The following SPRY3 variants were observed in gnomAD, a reference collection of about 807,000 sequenced individuals.
SPRY3 encodes the protein sprouty RTK signaling antagonist 3, also known as protein sprouty homolog 3.
Under a neutral mutation model 20.2 loss-of-function variants are expected in SPRY3, and 15 were observed. The ratio of observed to expected loss-of-function variants is 0.74; its 90% confidence interval spans 0.50 to 1.14. The LOEUF is 1.14. SPRY3 is among the 50% of genes most tolerant of loss of function. SPRY3 has a pLI of 0.00. For synonymous variants in SPRY3, 143 were observed against 136.5 expected (o/e 1.05, Z -0.33); for missense variants, 364 against 363.9 (o/e 1.00, Z 0.00).
chrX:155,631,039 A>G (rs2067904785), intron 1 of SPRY3, among the ~76,000 whole-genome samples: 1 of 110,248 alleles, frequency 9.1e-6, no homozygotes, highest in African/African-American at 3.3e-5. Flanking sequence ...TACAGATCCT[A>G]TCACTCAGGT....
chrX:155,726,729 G>C lies in SPRY3; in HGVS notation c.-281-41233G>C, dbSNP rs2091100284. Among the ~76,000 whole-genome samples the C allele has an allele frequency of 2.6e-5, 4 of 152,230 alleles. No individual in the cohort carries two copies. In the South Asian group the frequency reaches 8.3e-4, roughly 32 times the overall value. ...CTATGTGTGTCTCTGCACATGATAT[G>C]GGTCTCGTGAATACAGCACACTGAT... On this transcript the variant is annotated intron_variant, in intron 2 of 3. Transcript: ENST00000675360.
chrX:155,672,880 C>A (rs1362527003), intron 2 of SPRY3, among the ~76,000 whole-genome samples: 1 of 105,438 alleles, frequency 9.5e-6, no homozygotes, highest in Non-Finnish European at 1.9e-5. Flanking sequence ...GAATACTATG[C>A]AGCCATAAAA....
chrX:155,660,200 C>G (rs782071663), intron 2 of SPRY3, among the ~76,000 whole-genome samples: 1 of 111,056 alleles, frequency 9.0e-6, no homozygotes, highest in Non-Finnish European at 1.9e-5. Context: ...TTGCTGTATC[C>G]CAGGATCTTT....
chrX:155,739,374 T>C (rs749786148), intron 2 of SPRY3, among the ~76,000 whole-genome samples: 1 of 152,248 alleles, frequency 6.6e-6, no homozygotes, highest in Non-Finnish European at 1.5e-5. Context: ...CTGACAGCAT[T>C]TTCACCTGCT....
At chrX:155,697,798 G>T (rs920953284) in intron 2 of SPRY3, among the ~76,000 whole-genome samples, 14 of 110,006 alleles carry the variant, frequency 1.3e-4, no homozygotes, top group Non-Finnish European at 3.8e-5. Context: ...AGGTAAGACT[G>T]AACTTAGGTA....
At chrX:155,671,823 A>G (rs1043570909) in intron 2 of SPRY3, among the ~76,000 whole-genome samples, 14 of 111,355 alleles carry the variant, frequency 1.3e-4, no homozygotes, top group Non-Finnish European at 2.3e-4. Flanking sequence ...TAATTTTTGT[A>G]TAAGGTATAA....
At chrX:155,767,720 A>AAGAGGCGGAGGAGGAGGAGAG (rs2091345561) in intron 2 of SPRY3, 30 of 64,458 alleles carry the variant, frequency 4.7e-4, no homozygotes, top group South Asian at 6.7e-4. Flanking sequence ...GAGGAGGAGA[A>AAGAGGCGGAGGAGGAGGAGAG]AGAGGAGGAG....
At chrX:155,669,812 G>A (rs1557354599) in intron 2 of SPRY3, 1 of 110,846 alleles carries the variant, frequency 9.0e-6, no homozygotes, top group African/African-American at 3.3e-5. Flanking sequence ...TAATCTTGTG[G>A]CTGGTCTGAG....
At chrX:155,711,102 G>A (rs1173694520) in intron 2 of SPRY3, among the ~76,000 whole-genome samples, 1 of 151,618 alleles carries the variant, frequency 6.6e-6, no homozygotes, top group Non-Finnish European at 1.5e-5. Context: ...TATTCATCAG[G>A]GATGTTAGCC....
chrX:155,752,529 A>ATT (rs1166389235), intron 2 of SPRY3, among the ~76,000 whole-genome samples: 15 of 150,960 alleles, frequency 9.9e-5, no homozygotes, highest in African/African-American at 2.4e-4. Flanking sequence ...ATATATATAT[A>ATT]ACTATTGATA....
chrX:155,668,300 T>C (rs1410273106), intron 2 of SPRY3, among the ~76,000 whole-genome samples: 2 of 111,228 alleles, frequency 1.8e-5, no homozygotes, highest in Admixed American at 1.9e-4. Flanking sequence ...AGTGAAAAAG[T>C]AAGACAAAAG....
At chrX:155,769,460 G>A (rs1346225772) in intron 3 of SPRY3, among the ~76,000 whole-genome samples, 1 of 152,026 alleles carries the variant, frequency 6.6e-6, no homozygotes, top group Non-Finnish European at 1.5e-5. Context: ...GAGGTCATTT[G>A]CCTACAGCCA....
At chrX:155,773,106 G>A (rs965280874) in intron 3 of SPRY3, among the ~76,000 whole-genome samples, 1 of 151,486 alleles carries the variant, frequency 6.6e-6, no homozygotes, top group Admixed American at 6.6e-5. Flanking sequence ...GATTAGTCTT[G>A]GTTTCCTTAT....
At chrX:155,672,088 C>G (rs149656099) in intron 2 of SPRY3, among the ~76,000 whole-genome samples, 2,168 of 111,534 alleles carry the variant, frequency 0.019, 61 homozygotes, top group African/African-American at 0.068. Flanking sequence ...CATGATGCCT[C>G]CAGCTTTGTT....
intron 2 of SPRY3, among the ~76,000 whole-genome samples, chrX:155,704,090 T>C (rs1348574460): frequency 6.6e-6 from 1 of 151,822 alleles, no homozygotes; most frequent in Admixed American, 6.6e-5. Context: ...CCCAACTTAT[T>C]CAACTTTCCA....
intron 2 of SPRY3, among the ~76,000 whole-genome samples, chrX:155,727,832 T>C (rs2091108762): frequency 6.6e-6 from 1 of 152,084 alleles, no homozygotes; most frequent in Admixed American, 6.6e-5. Flanking sequence ...CCGTCCAGCT[T>C]TGTTCTGTTG....
chrX:155,617,941 A>G (rs2067859460), intron 1 of SPRY3, among the ~76,000 whole-genome samples: 1 of 112,158 alleles, frequency 8.9e-6, no homozygotes, highest in Non-Finnish European at 1.9e-5. Context: ...CCCTTTACAC[A>G]ATTTCCTCTG....
At chrX:155,758,369 C>A (rs1389993549) in intron 2 of SPRY3, among the ~76,000 whole-genome samples, 5 of 152,164 alleles carry the variant, frequency 3.3e-5, no homozygotes, top group African/African-American at 4.8e-5. Context: ...CTACATAGAA[C>A]CACTTTGTCC....
intron 1 of SPRY3, among the ~76,000 whole-genome samples, chrX:155,623,737 T>G (rs959762600): frequency 8.9e-6 from 1 of 112,351 alleles, no homozygotes; most frequent in Non-Finnish European, 1.9e-5. Context: ...TGCAGGTGGT[T>G]TATTTTCTTT....
Sources: allele counts gnomAD v4.1 joint callset (sites outside exome capture counted in the v4.1 genomes callset), GRCh38; gene constraint gnomAD v4.1.1; transcripts MANE v1.5; gene names NCBI Gene and HGNC (gene_info 2026-07-23, HGNC 2026-07-21).